The following TELO2 variants were observed in gnomAD, a reference collection of about 807,000 sequenced individuals.
The protein encoded by TELO2 is telomere length regulation protein TEL2 homolog.
Under a neutral mutation model 91.0 loss-of-function variants are expected in TELO2, and 71 were observed. The observed-to-expected ratio is 0.78, with a 90% CI of 0.64 to 0.95. The LOEUF (loss-of-function observed/expected upper bound fraction) is 0.95, where lower values mean the gene tolerates loss of function less well. Ranked by LOEUF, TELO2 falls within the 40% of genes least tolerant of loss-of-function variation. TELO2 has a pLI of 0.00. For synonymous variants in TELO2, 584 were observed against 518.9 expected (o/e 1.13, Z -1.71); for missense variants, 1,183 against 1,141.3 (o/e 1.04, Z -0.53).
Position 1,505,051 on chromosome 16 carries a change from T to TC in TELO2, c.1843-353dup, listed in dbSNP as rs571627459. On this transcript the variant is annotated intron_variant, in intron 15 of 20. Coordinates refer to ENST00000262319, the MANE Select transcript of TELO2 (RefSeq NM_016111.4). This position sits in a 1 kb window ranked among gnomAD's most constrained non-coding sequence, Gnocchi z 4.3. ...GTGCCTTCTCTGCAATGTTCTGAGG[T>TC]CCCCCCGCCCGTGGCACGTGCCGCT... The TC allele has an allele frequency of 4.6e-6, 1 of 219,030 alleles. No individual in the cohort carries two copies. The highest frequency in any genetic ancestry group is 2.3e-5 in the African/African-American group (1 of 44,422). 13.6% of individuals were successfully genotyped at this position (219,030 alleles called of 1,614,324 possible). A position where few individuals can be genotyped will look rare whatever the true frequency, so the allele number is the denominator to read the frequency against.
chr16:1,495,500 C>T lies in TELO2; in HGVS notation c.490C>T (p.Pro164Ser), dbSNP rs1463971276. 3 of 1,610,928 alleles carry T rather than the reference C, an allele frequency of 1.9e-6. No homozygotes were observed. Among genetic ancestry groups the T allele is most frequent in the South Asian group, 2.2e-5 (2 of 91,052 alleles). Residue 164 changes from proline (P) to serine (S), a missense_variant, in exon 3 of 21, where the codon CCC becomes TCC. Physicochemically the swap from Pro to Ser is moderately conservative, Grantham distance 74. Transcript: ENST00000262319. ...ETLLGKVVAL[P>S]DHLGNRLQQE... ...GCTGCTGGGCAAGGTGGTGGCCCTGCCCGATCACCTGGGCAACCGCCTGCA... is the reference window on the plus strand; with the variant it reads ...GCTGCTGGGCAAGGTGGTGGCCCTGTCCGATCACCTGGGCAACCGCCTGCA...
Position 1,506,948 on chromosome 16 carries a change from C to G in TELO2, c.2127-4C>G. ...TGCACCTTGGGCTCCATCCTGTGCT[C>G]TAGGCCTCTGGTGACCTTCGACCTC... On this transcript the variant is annotated splice_polypyrimidine_tract_variant and splice_region_variant and intron_variant, in intron 17 of 20. Transcript: ENST00000262319. 1 of 1,607,194 alleles carries G rather than the reference C, an allele frequency of 6.2e-7. No homozygotes were observed. The highest frequency in any genetic ancestry group is 8.5e-7 in the Non-Finnish European group (1 of 1,176,816).
In TELO2 at chr16:1,507,814, GT is replaced by G. The variant is rs1567307788; in HGVS notation, c.2407+99del. The G allele has an allele frequency of 2.5e-4, 148 of 601,846 alleles. 4 individuals are homozygous for G. The African/African-American group carries it at 4.8e-3, about 20-fold the overall frequency. The allele number at this position is 601,846 out of a possible 1,614,324, so 37.3% of individuals were successfully genotyped here. On this transcript the variant is annotated intron_variant, in intron 20 of 20. Coordinates refer to ENST00000262319, the MANE Select transcript of TELO2 (RefSeq NM_016111.4). ...TGTGAGAGATGTGTCGGCCCGGGGT[GT>G]GTGTGTGTGTGTGTGTGATGTGTGT...
Position 1,497,896 on chromosome 16 carries a change from G to A in TELO2, c.830+388G>A. On this transcript the variant is annotated intron_variant, in intron 5 of 20. Transcript: ENST00000262319. The surrounding 1 kb of genome is among the most constrained non-coding windows in gnomAD (Gnocchi z 4.0). ...GAGAATCAAGGTTGCATTTCTGGAA[G>A]CAGGACTGCCGGCCATTTACCCCCA... 6.6e-6 allele frequency among the ~76,000 whole-genome samples: 1 copy of A among 152,136 alleles called. No individual in the cohort carries two copies. Among genetic ancestry groups the A allele is most frequent in the East Asian group, 1.9e-4 (1 of 5,194 alleles).
At chr16:1,503,582 A>G (rs2039782590) in intron 15 of TELO2, among the ~76,000 whole-genome samples, 1 of 152,224 alleles carries the variant, frequency 6.6e-6, no homozygotes, top group African/African-American at 2.4e-5. Context: ...GCACTGCCAC[A>G]CGATGAGCCT....
chr16:1,508,579 C>A (rs1331995166), intron 20 of TELO2, among the ~76,000 whole-genome samples: 1 of 152,214 alleles, frequency 6.6e-6, no homozygotes, highest in East Asian at 1.9e-4. Context: ...GACTTGTGCT[C>A]AGACCTCTGT....
In TELO2 at chr16:1,505,309, G is replaced by A. The variant is rs1596267741; in HGVS notation, c.1843-101G>A. 8 of 1,378,712 alleles carry A rather than the reference G, an allele frequency of 5.8e-6. No homozygotes were observed. The East Asian group carries it at 1.6e-4, about 28-fold the overall frequency. The allele number at this position is 1,378,712 out of a possible 1,614,324, so 85.4% of individuals were successfully genotyped here. A position where few individuals can be genotyped will look rare whatever the true frequency, so the allele number is the denominator to read the frequency against. On this transcript the variant is annotated intron_variant, in intron 15 of 20. Coordinates refer to ENST00000262319, the MANE Select transcript of TELO2 (RefSeq NM_016111.4). This position sits in a 1 kb window ranked among gnomAD's most constrained non-coding sequence, Gnocchi z 4.3. Reference sequence around the variant, plus strand: ...CAGAACACACCTTCTCCCAGGCTGGGCGGGCCCCCGGGCCCGTTTCTGGGG... The same window carrying A: ...CAGAACACACCTTCTCCCAGGCTGGACGGGCCCCCGGGCCCGTTTCTGGGG...
At chr16:1,506,382 T>G in intron 17 of TELO2, 53 bp downstream of exon 17, 1 of 1,612,614 alleles carries the variant, frequency 6.2e-7, no homozygotes, top group Non-Finnish European at 8.5e-7. Flanking sequence ...ACCCTGGACG[T>G]ACCACTGTGG....
At position 1,495,588 on chromosome 16, in the gene TELO2, T is replaced by C. The variant is rs141647559; in HGVS notation, c.578T>C (p.Val193Ala). The C allele has an allele frequency of 4.5e-3, 7,167 of 1,607,042 alleles. 66 individuals are homozygous for C. Among genetic ancestry groups the C allele is most frequent in the South Asian group, 0.019 (1,740 of 90,946 alleles). Residue 193 changes from valine to alanine, a missense_variant, in exon 3 of 21, where the codon GTC (valine) becomes GCC (alanine). Transcript: ENST00000262319. ...TTCCGCCTGCTCGGCGAGGAGGTCG[T>C]CCGGGTGCTGCAGGCGGTTGTGGAC... is the stretch of plus-strand genomic sequence containing the variant. ...NYFRLLGEEV[V>A]RVLQAVVDSL... is the part of the protein sequence containing the mutation.
Position 1,494,044 on chromosome 16 carries a change from C to CAGTG in TELO2, c.-36-201_-36-198dup, listed in dbSNP as rs750167678. ...CAGTGGCCCGGGTTGAGAAGCCCTGCAGTGGCTGGTAGCGTTGGGGTCCGA... is the reference window on the plus strand; with the variant it reads ...CAGTGGCCCGGGTTGAGAAGCCCTGCAGTGAGTGGCTGGTAGCGTTGGGGTCCGA... On this transcript the variant is annotated intron_variant, in intron 1 of 20. Coordinates refer to ENST00000262319, the MANE Select transcript of TELO2 (RefSeq NM_016111.4). The surrounding 1 kb of genome is among the most constrained non-coding windows in gnomAD (Gnocchi z 5.6). 5.9e-5 allele frequency among the ~76,000 whole-genome samples: 9 copies of CAGTG among 152,146 alleles called. No individual in the cohort carries two copies. Among genetic ancestry groups the CAGTG allele is most frequent in the Non-Finnish European group, 7.4e-5 (5 of 68,018 alleles).
At chr16:1,506,782 G>T in intron 17 of TELO2, 170 bp from the exon 18 acceptor site, 1 of 1,415,530 alleles carries the variant, frequency 7.1e-7, no homozygotes, top group Non-Finnish European at 9.2e-7. Flanking sequence ...AGCCCTGCAG[G>T]GGGAGTAGGC....
intron 20 of TELO2, among the ~76,000 whole-genome samples, chr16:1,508,325 A>G (rs1381901807): frequency 6.6e-6 from 1 of 151,752 alleles, no homozygotes; most frequent in African/African-American, 2.4e-5. Flanking sequence ...TAGAGATGGG[A>G]TTTCACCATG....
chr16:1,505,516 TCTCTCAGCCTGGC>T lies in TELO2; in HGVS notation c.1950_1962del (p.Ser651ValfsTer58). 6.2e-7 allele frequency: 1 copy of T among 1,613,028 alleles called. No homozygotes were observed. The highest frequency in any genetic ancestry group is 8.5e-7 in the Non-Finnish European group (1 of 1,179,968). ...ACCCCGTGCCTGCCAGAGGCAGCCG[TCTCTCAGCCTGGC>T]AGTGCCGTGGCGTCTGACTGGCGGG... On this transcript the variant is annotated frameshift_variant, in exon 16 of 21. Coordinates refer to ENST00000262319, the MANE Select transcript of TELO2 (RefSeq NM_016111.4). LOFTEE classifies it high-confidence loss of function. The surrounding 1 kb of genome is among the most constrained non-coding windows in gnomAD (Gnocchi z 4.3).
chr16:1,501,912 C>T, intron 11 of TELO2, 135 bp from the exon 12 acceptor site: 1 of 1,446,250 alleles, frequency 6.9e-7, no homozygotes, highest in Non-Finnish European at 9.6e-7. Context: ...GGGCCCGCAG[C>T]TCCCAGCTCC....
Position 1,509,921 on chromosome 16 carries a change from A to G in TELO2, c.2499A>G (p.Pro833=). Residue 833 remains proline, a synonymous_variant, in exon 21 of 21, where the codon CCA becomes CCG. Coordinates refer to ENST00000262319, the MANE Select transcript of TELO2 (RefSeq NM_016111.4). ...LLQRLKNRLL[P]PASP is the part of the protein sequence containing the mutation. The stretch of plus-strand genomic sequence containing the variant: ...AGAGACTCAAGAACAGGCTCCTCCC[A>G]CCCGCGTCTCCCTAGTCCCTGGAGG... 6.3e-7 allele frequency: 1 copy of G among 1,598,326 alleles called. No homozygotes were observed.
chr16:1,501,901 A>G, intron 11 of TELO2, 128 bp downstream of exon 11: 1 of 1,431,814 alleles, frequency 7.0e-7, no homozygotes. Flanking sequence ...TCCTCATGTG[A>G]GGGCCCGCAG....
At position 1,509,993 on chromosome 16, in the gene TELO2, GC is replaced by G; in HGVS notation, c.*58del. On this transcript the variant is annotated 3_prime_UTR_variant, in exon 21 of 21. Transcript: ENST00000262319. Reference sequence around the variant, plus strand: ...CGACAGCAAGGCAGGCGGCTGAGCAGCGGCCTGGAGCAGCAGAGCCAGGCTT... The same window carrying G: ...CGACAGCAAGGCAGGCGGCTGAGCAGGGCCTGGAGCAGCAGAGCCAGGCTT... 1 of 1,459,582 alleles carries G rather than the reference GC, an allele frequency of 6.9e-7. No individual in the cohort carries two copies. The allele number at this position is 1,459,582 out of a possible 1,614,324, so 90.4% of individuals were successfully genotyped here.
chr16:1,504,243 G>A (rs1298707630), intron 15 of TELO2, among the ~76,000 whole-genome samples: 2 of 150,850 alleles, frequency 1.3e-5, no homozygotes, highest in East Asian at 4.0e-4. Context: ...GACCAGCCTC[G>A]CCAACATGGT....
chr16:1,506,465 A>C, intron 17 of TELO2, 136 bp downstream of exon 17: 4 of 1,537,674 alleles, frequency 2.6e-6, no homozygotes, highest in Non-Finnish European at 3.5e-6. Context: ...GCTTTTTGTA[A>C]GCCTGTGTTA....
Sources: gnomAD v4.1 joint callset for allele counts (sites outside exome capture counted in the v4.1 genomes callset) on GRCh38, gnomAD v4.1.1 for gene constraint, Gnocchi (gnomAD v3.1) non-coding constraint, MANE v1.5 for transcripts, NCBI Gene and HGNC (gene_info 2026-07-23, HGNC 2026-07-21) for gene names.